The following PRMT8 variants were observed in gnomAD, a reference collection of about 807,000 sequenced individuals.
The protein encoded by PRMT8 is protein arginine N-methyltransferase 8.
Under a neutral mutation model 47.1 loss-of-function variants are expected in PRMT8, and 7 were observed. The ratio of observed to expected loss-of-function variants is 0.15; its 90% CI spans 0.08 to 0.28. PRMT8 has a LOEUF of 0.28. PRMT8 is among the 10% of genes least tolerant of loss of function. The probability of loss-of-function intolerance (pLI) is 1.00; values close to 1 mark genes in which losing one functional copy is unlikely to be tolerated. For missense variants in PRMT8, 237 were observed against 505.4 expected (o/e 0.47, Z 5.09); for synonymous variants, 188 against 186.5 (o/e 1.01, Z -0.07).
rs1442860509 is a variant in PRMT8, at chr12:3,476,241, AG to A, written c.49-64364del. On this transcript the variant is annotated intron_variant, in intron 1 of 9. Coordinates refer to the PRMT8 transcript ENST00000452611. ...CACCAACACTCCTTGCTAGAAGTCA[AG>A]ATGTTTTTGGAAATCTGAGCGTTTG... is the stretch of plus-strand genomic sequence containing the variant. Among the ~76,000 whole-genome samples the A allele has an allele frequency of 3.3e-5, 5 of 152,192 alleles. No individual in the cohort carries two copies. In the East Asian group the frequency reaches 9.6e-4, roughly 29 times the overall value.
At position 3,593,263 on chromosome 12, in the gene PRMT8, G is replaced by A; in HGVS notation, c.*81G>A. ...CGTGCCGTCCCAAAGAATACCGTTT[G>A]CAGGACTACACACTTGAAAACCAGA... On this transcript the variant is annotated 3_prime_UTR_variant, in exon 10 of 10. Transcript: ENST00000382622. This position sits in a 1 kb window ranked among gnomAD's most constrained non-coding sequence, Gnocchi z 4.8. 1 of 1,211,258 alleles carries A rather than the reference G, an allele frequency of 8.3e-7. No individual in the cohort carries two copies. The highest frequency in any genetic ancestry group is 1.2e-6 in the Non-Finnish European group (1 of 838,630). 75.0% of individuals were successfully genotyped at this position (1,211,258 alleles called of 1,614,324 possible). A position where few individuals can be genotyped will look rare whatever the true frequency, so the allele number is the denominator to read the frequency against.
chr12:3,545,646 C>T (rs994930826), intron 2 of PRMT8, among the ~76,000 whole-genome samples: 1 of 152,266 alleles, frequency 6.6e-6, no homozygotes, highest in East Asian at 1.9e-4. Context: ...AATGTAGCAC[C>T]ACCTGGCTGA....
chr12:3,413,092 C>T lies in PRMT8; in HGVS notation c.48+31650C>T, dbSNP rs557829343. ...GTGATTTTCCTCCAGAAAGTATATACGCTTGCTTCTGGCTGTTAGCTAGTC... is the reference window on the plus strand; with the variant it reads ...GTGATTTTCCTCCAGAAAGTATATATGCTTGCTTCTGGCTGTTAGCTAGTC... On this transcript the variant is annotated intron_variant, in intron 1 of 9. Coordinates refer to the PRMT8 transcript ENST00000452611. Among the ~76,000 whole-genome samples the T allele has an allele frequency of 1.9e-3, 284 of 152,260 alleles. 1 individual carries two copies. The highest frequency in any genetic ancestry group is 6.3e-3 in the African/African-American group (262 of 41,544).
chr12:3,563,413 C>T (rs1866668794), intron 4 of PRMT8, among the ~76,000 whole-genome samples: 1 of 151,932 alleles, frequency 6.6e-6, no homozygotes, highest in Admixed American at 6.5e-5. Context: ...GAAGCGACCA[C>T]CCTGAGGCTT....
intron 1 of PRMT8, among the ~76,000 whole-genome samples, chr12:3,516,867 A>C (rs1277429236): frequency 6.6e-6 from 1 of 151,968 alleles, no homozygotes; most frequent in Admixed American, 6.6e-5. Flanking sequence ...AGAATTTACC[A>C]GTCTGCAAAA....
intron 1 of PRMT8, among the ~76,000 whole-genome samples, chr12:3,461,715 T>G (rs1377037913): frequency 6.7e-6 from 1 of 150,226 alleles, no homozygotes; most frequent in African/African-American, 2.5e-5. Context: ...GGGCCATTCG[T>G]TTATTTACTC....
intron 4 of PRMT8, among the ~76,000 whole-genome samples, chr12:3,568,381 G>C (rs1866770969): frequency 8.6e-6 from 1 of 116,792 alleles, no homozygotes; most frequent in Admixed American, 8.2e-5. Flanking sequence ...GTGGACCTGT[G>C]CAGTTCAAAG....
rs1379084372 is a variant in PRMT8 at position 3,557,796 on chromosome 12, T to A, written c.481+4082T>A. Among the ~76,000 whole-genome samples, 1 of 152,054 alleles carries A rather than the reference T, an allele frequency of 6.6e-6. No individual in the cohort carries two copies. Among genetic ancestry groups the A allele is most frequent in the Non-Finnish European group, 1.5e-5 (1 of 67,984 alleles). The stretch of plus-strand genomic sequence containing the variant: ...GATGCAGAAGCACCAGGAGTGCTGC[T>A]GAGCCTGAAAGCCTGTTGGGAGGGG... On this transcript the variant is annotated intron_variant, in intron 4 of 9. Coordinates refer to ENST00000382622, the MANE Select transcript of PRMT8 (RefSeq NM_019854.5). This position sits in a 1 kb window ranked among gnomAD's most constrained non-coding sequence, Gnocchi z 4.7.
intron 1 of PRMT8, among the ~76,000 whole-genome samples, chr12:3,468,231 C>T (rs12822480): frequency 0.088 from 13,375 of 152,100 alleles, 692 homozygotes; most frequent in Middle Eastern, 0.17. Flanking sequence ...CTACTGTGAT[C>T]GTGTTTCCTA....
chr12:3,541,425 C>A (rs1357369744), intron 2 of PRMT8, among the ~76,000 whole-genome samples: 1 of 152,200 alleles, frequency 6.6e-6, no homozygotes, highest in Non-Finnish European at 1.5e-5. Context: ...TACTGTATAT[C>A]TTTCATTATA....
At chr12:3,452,864 G>A (rs936597163) in intron 1 of PRMT8, among the ~76,000 whole-genome samples, 2 of 152,216 alleles carry the variant, frequency 1.3e-5, no homozygotes, top group African/African-American at 4.8e-5. Context: ...AATAACTGTA[G>A]GCCTGAGAAG....
intron 1 of PRMT8, among the ~76,000 whole-genome samples, chr12:3,443,036 G>T (rs1184164420): frequency 6.6e-6 from 1 of 152,160 alleles, no homozygotes; most frequent in Non-Finnish European, 1.5e-5. Context: ...TGAATCTAAA[G>T]TCCCCTATAG....
intron 1 of PRMT8, among the ~76,000 whole-genome samples, chr12:3,397,896 T>TG (rs1179736443): frequency 6.6e-6 from 1 of 152,168 alleles, no homozygotes; most frequent in African/African-American, 2.4e-5. Flanking sequence ...GAGCCAGGTG[T>TG]GGGATGTAAT....
chr12:3,590,135 A>G (rs566593406), intron 8 of PRMT8, among the ~76,000 whole-genome samples: 9 of 152,364 alleles, frequency 5.9e-5, no homozygotes, highest in African/African-American at 1.9e-4. Context: ...TGAAAGGGAT[A>G]GACTGCACAT....
At chr12:3,587,135 T>C (rs1366108422) in intron 8 of PRMT8, among the ~76,000 whole-genome samples, 1 of 151,012 alleles carries the variant, frequency 6.6e-6, no homozygotes, top group African/African-American at 2.4e-5. Context: ...TATGTCATTA[T>C]TGGACCATTC....
intron 1 of PRMT8, among the ~76,000 whole-genome samples, chr12:3,505,090 C>A (rs12299657): frequency 6.9e-6 from 1 of 144,194 alleles, no homozygotes; most frequent in Non-Finnish European, 1.5e-5. Flanking sequence ...CACTGGCCTG[C>A]GCCCACTGTC....
At chr12:3,430,820 A>G (rs532399654) in intron 1 of PRMT8, among the ~76,000 whole-genome samples, 5 of 152,360 alleles carry the variant, frequency 3.3e-5, no homozygotes, top group South Asian at 2.1e-4. Flanking sequence ...CCCAGGCACT[A>G]TGATAGTTGC....
intron 4 of PRMT8, among the ~76,000 whole-genome samples, chr12:3,555,758 A>T (rs1866515847): frequency 6.6e-6 from 1 of 152,108 alleles, no homozygotes; most frequent in Admixed American, 6.6e-5. Context: ...TCCCTGTGGG[A>T]CATGCTTGGA....
intron 1 of PRMT8, among the ~76,000 whole-genome samples, chr12:3,507,386 G>A (rs967268702): frequency 6.6e-6 from 1 of 152,162 alleles, no homozygotes; most frequent in Non-Finnish European, 1.5e-5. Flanking sequence ...CTCCCAAAAC[G>A]CTGGGATTAC....
Sources: allele counts gnomAD v4.1 joint callset (sites outside exome capture counted in the v4.1 genomes callset), GRCh38; gene constraint gnomAD v4.1.1; non-coding constraint Gnocchi (gnomAD v3.1); transcripts MANE v1.5; gene names NCBI Gene and HGNC (gene_info 2026-07-23, HGNC 2026-07-21).